The following PHF2 variants were observed in gnomAD, a reference collection of about 807,000 sequenced individuals.
The protein encoded by PHF2 is PHD finger protein 2, also known as lysine-specific demethylase PHF2.
A neutral mutation model predicts 120.5 loss-of-function variants in PHF2; 27 were observed. The observed-to-expected ratio is 0.22, with a 90% CI of 0.17 to 0.31. PHF2 has a LOEUF of 0.31. PHF2 is among the 10% of genes least tolerant of loss of function. The pLI is 1.00. For missense variants in PHF2, 1,024 were observed against 1,434.8 expected (o/e 0.71, Z 4.63); for synonymous variants, 568 against 592.5 (o/e 0.96, Z 0.60).
At chr9:93,599,720 C>T (rs1825403843) in intron 1 of PHF2, among the ~76,000 whole-genome samples, 1 of 152,242 alleles carries the variant, frequency 6.6e-6, no homozygotes, top group Non-Finnish European at 1.5e-5. Context: ...TGGTCCAGCA[C>T]CTCATTTCAC....
At chr9:93,598,845 A>C (rs1825380213) in intron 1 of PHF2, among the ~76,000 whole-genome samples, 2 of 152,136 alleles carry the variant, frequency 1.3e-5, no homozygotes, top group African/African-American at 4.8e-5. Context: ...TTCCCCTAAG[A>C]AGCCCATCAC....
intron 5 of PHF2, among the ~76,000 whole-genome samples, chr9:93,650,095 C>T (rs1466734148): frequency 3.3e-5 from 5 of 150,492 alleles, no homozygotes; most frequent in Admixed American, 6.6e-5. Context: ...TTCATAGACA[C>T]GACACACTAG....
intron 1 of PHF2, among the ~76,000 whole-genome samples, chr9:93,602,868 G>A (rs2131618108): frequency 6.6e-6 from 1 of 152,284 alleles, no homozygotes; most frequent in South Asian, 2.1e-4. Flanking sequence ...CCTAGCCTCA[G>A]GGCAGACTGG....
chr9:93,653,721 G>A (rs989691540), intron 6 of PHF2, among the ~76,000 whole-genome samples: 1 of 152,240 alleles, frequency 6.6e-6, no homozygotes, highest in Non-Finnish European at 1.5e-5. Flanking sequence ...CCAGGGGGCA[G>A]GAGAGGGGCA....
At chr9:93,613,921 G>T (rs975387407) in intron 1 of PHF2, among the ~76,000 whole-genome samples, 8 of 152,130 alleles carry the variant, frequency 5.3e-5, no homozygotes, top group Non-Finnish European at 8.8e-5. Context: ...TCCTGGGCTG[G>T]CCCCTCTCCT....
chr9:93,645,937 G>C, intron 4 of PHF2, 148 bp downstream of exon 4: 3 of 914,380 alleles, frequency 3.3e-6, no homozygotes, highest in Non-Finnish European at 4.6e-6. Context: ...CTCTGTTCCC[G>C]GTGCTCTTAG....
In PHF2 at chr9:93,665,864, T is replaced by C. The variant is rs1826668591; in HGVS notation, c.2116T>C (p.Phe706Leu). 1 of 1,612,728 alleles carries C rather than the reference T, an allele frequency of 6.2e-7. No homozygotes were observed. The stretch of plus-strand genomic sequence containing the variant: ...AAACGCCCCGAAAAGGGACTTGTCC[T>C]GTGAGTTGGGAGGGGGTGTTGGGGG... ...KKNAPKRDLS[F>L]LLDKKAVLPT... The change falls in exon 15 of 22, where the codon TTC (phenylalanine) becomes CTC (leucine). Residue 706 changes from phenylalanine (F) to leucine (L), a missense_variant and splice_region_variant. This residue lies in a region of PHF2 where 677 missense variants were observed against 857.4 expected (regional missense o/e 0.79). Coordinates refer to ENST00000359246, the MANE Select transcript of PHF2 (RefSeq NM_005392.4).
In PHF2 at chr9:93,663,381, C is replaced by T. The variant is rs111603823; in HGVS notation, c.1819-136C>T. 1,868 of 687,648 alleles carry T rather than the reference C, an allele frequency of 2.7e-3. 26 individuals are homozygous for T. In the African/African-American group the frequency reaches 0.028, roughly 10 times the overall value. The allele number at this position is 687,648 out of a possible 1,614,324, so 42.6% of individuals were successfully genotyped here. A position where few individuals can be genotyped will look rare whatever the true frequency, so the allele number is the denominator to read the frequency against. On this transcript the variant is annotated intron_variant, in intron 13 of 21. Transcript: ENST00000359246. ...GGCCCCTGAGCACCCCGCAGTGGCC[C>T]GGGTGGCCACCAGAGCTATGGGTGA... is the stretch of plus-strand genomic sequence containing the variant.
intron 1 of PHF2, among the ~76,000 whole-genome samples, chr9:93,612,021 A>G (rs1472230109): frequency 6.6e-6 from 1 of 152,166 alleles, no homozygotes; most frequent in Non-Finnish European, 1.5e-5. Context: ...AGAGGGGCAT[A>G]TTTATGGATT....
Position 93,679,303 on chromosome 9 carries a change from G to A in PHF2, c.*1627G>A, listed in dbSNP as rs1312578382. 14 of 454,958 alleles carry A rather than the reference G, an allele frequency of 3.1e-5. No homozygotes were observed. The highest frequency in any genetic ancestry group is 5.3e-5 in the Non-Finnish European group (12 of 226,796). 28.2% of individuals were successfully genotyped at this position (454,958 alleles called of 1,614,324 possible). On this transcript the variant is annotated 3_prime_UTR_variant, in exon 22 of 22. Coordinates refer to ENST00000359246, the MANE Select transcript of PHF2 (RefSeq NM_005392.4). The stretch of plus-strand genomic sequence containing the variant: ...CTGGGTGGGAGAGGGGGAGTCTCAC[G>A]GGGCCCCAGGCTTATTCAGAACTGG...
intron 3 of PHF2, among the ~76,000 whole-genome samples, chr9:93,644,387 C>CA (rs528111542): frequency 0.18 from 21,272 of 119,624 alleles, 2,584 homozygotes; most frequent in African/African-American, 0.37. Flanking sequence ...AACTCCATCT[C>CA]AAAAAAAAAA....
chr9:93,602,776 G>T (rs1640971455), intron 1 of PHF2, among the ~76,000 whole-genome samples: 1 of 152,174 alleles, frequency 6.6e-6, no homozygotes, highest in African/African-American at 2.4e-5. Flanking sequence ...CCAGGAGTAA[G>T]GTTATTTGGT....
At chr9:93,586,658 A>G (rs1863050212) in intron 1 of PHF2, among the ~76,000 whole-genome samples, 1 of 152,278 alleles carries the variant, frequency 6.6e-6, no homozygotes, top group Non-Finnish European at 1.5e-5. Context: ...GGAATCCAGC[A>G]TGAGCTGTGC....
chr9:93,662,598 G>A (rs537294855), intron 12 of PHF2, among the ~76,000 whole-genome samples: 1 of 151,626 alleles, frequency 6.6e-6, no homozygotes, highest in African/African-American at 2.4e-5. Context: ...TGCATGGATG[G>A]ATGAATGAAC....
chr9:93,597,451 T>C (rs1825356294), intron 1 of PHF2, among the ~76,000 whole-genome samples: 1 of 151,948 alleles, frequency 6.6e-6, no homozygotes, highest in Admixed American at 6.5e-5. Flanking sequence ...CCACCTGCTC[T>C]CTGTCAGGAA....
At chr9:93,620,903 T>C (rs1825814935) in intron 1 of PHF2, among the ~76,000 whole-genome samples, 1 of 152,262 alleles carries the variant, frequency 6.6e-6, no homozygotes, top group African/African-American at 2.4e-5. Flanking sequence ...GCAAACAGTC[T>C]CTTCTGTGAG....
chr9:93,650,809 G>A (rs763923488), intron 5 of PHF2, among the ~76,000 whole-genome samples: 12 of 152,322 alleles, frequency 7.9e-5, no homozygotes, highest in Admixed American at 2.0e-4. Context: ...ACCGTAAGGC[G>A]CGGGTGGCTA....
intron 17 of PHF2, among the ~76,000 whole-genome samples, chr9:93,670,636 G>T (rs988752899): frequency 2.6e-5 from 4 of 152,196 alleles, no homozygotes; most frequent in African/African-American, 4.8e-5. Context: ...AGGAGCCCAG[G>T]ACTTGGCCTT....
intron 1 of PHF2, among the ~76,000 whole-genome samples, chr9:93,608,830 T>C (rs80062429): frequency 0.13 from 20,478 of 152,074 alleles, 1,407 homozygotes; most frequent in East Asian, 0.2. Flanking sequence ...TATTTATTTG[T>C]TTTTTAATCC....
Sources: allele counts gnomAD v4.1 joint callset (sites outside exome capture counted in the v4.1 genomes callset), GRCh38; gene constraint gnomAD v4.1.1; regional missense constraint gnomAD v4.1.1; transcripts MANE v1.5; gene names NCBI Gene and HGNC (gene_info 2026-07-23, HGNC 2026-07-21).